The following SHISA9 variants were observed in gnomAD, a reference collection of about 807,000 sequenced individuals.
SHISA9 encodes protein shisa-9.
A neutral mutation model predicts 38.0 loss-of-function variants in SHISA9; 13 were observed. That is an observed-to-expected ratio of 0.34 (90% CI 0.22 to 0.54). The LOEUF is 0.54. Ranked by LOEUF, SHISA9 falls within the 20% of genes least tolerant of loss-of-function variation. The pLI, the probability that SHISA9 is intolerant of heterozygous loss-of-function variation, is 0.91. For synonymous variants in SHISA9, 275 were observed against 242.0 expected (o/e 1.14, Z -1.27); for missense variants, 538 against 575.8 (o/e 0.93, Z 0.67).
chr16:12,902,463 G>A lies in SHISA9; in HGVS notation c.399G>A (p.Lys133=). 6.4e-7 allele frequency: 1 copy of A among 1,551,380 alleles called. No homozygotes were observed. Among genetic ancestry groups the A allele is most frequent in the Non-Finnish European group, 8.7e-7 (1 of 1,146,984 alleles). Residue 133 remains lysine (K), a synonymous_variant, in exon 1 of 5, where the codon AAG becomes AAA. Coordinates refer to ENST00000558583, the MANE Select transcript of SHISA9 (RefSeq NM_001145204.3). ...YDTPLWLNTG[K]PPARKDDPLH... ...CGCCGCTCTGGCTCAACACCGGCAA[G>A]CCCCCCGCCCGCAAGGACGACCCCT...
the SHISA9 span, among the ~76,000 whole-genome samples, chr16:13,409,878 C>G: frequency 6.6e-6 from 1 of 152,136 alleles, no homozygotes; most frequent in Non-Finnish European, 1.5e-5. Context: ...GGTTTGTTTA[C>G]CTGAAGGGGC....
At chr16:13,286,458 A>G in the SHISA9 span, among the ~76,000 whole-genome samples, 1 of 152,328 alleles carries the variant, frequency 6.6e-6, no homozygotes, top group South Asian at 2.1e-4. Context: ...TATTCACACC[A>G]GTGTAAAATT....
the SHISA9 span, among the ~76,000 whole-genome samples, chr16:13,519,271 T>C: frequency 1.1e-4 from 17 of 152,176 alleles, no homozygotes; most frequent in African/African-American, 3.9e-4. Context: ...ATTGAAGGCA[T>C]AGTAAGCCTC....
chr16:13,249,372 C>T, the SHISA9 span, among the ~76,000 whole-genome samples: 2 of 152,184 alleles, frequency 1.3e-5, no homozygotes, highest in African/African-American at 4.8e-5. Flanking sequence ...ATTTAGCCTC[C>T]TTGACCTAGA....
At chr16:12,940,367 A>G (rs190709812) in intron 2 of SHISA9, among the ~76,000 whole-genome samples, 1 of 152,070 alleles carries the variant, frequency 6.6e-6, no homozygotes, top group African/African-American at 2.4e-5. Context: ...AACTTGCTAC[A>G]ACCCCAGTCC....
the SHISA9 span, among the ~76,000 whole-genome samples, chr16:13,457,448 A>G: frequency 1.3e-5 from 2 of 152,022 alleles, no homozygotes; most frequent in Admixed American, 6.5e-5. Context: ...CTCTAACTGT[A>G]CAGTCATCAG....
intron 2 of SHISA9, among the ~76,000 whole-genome samples, chr16:13,150,270 T>C (rs1320867200): frequency 6.6e-6 from 1 of 152,096 alleles, no homozygotes; most frequent in East Asian, 1.9e-4. Flanking sequence ...TCCTCTCCCT[T>C]GTTGGTTTTG....
intron 2 of SHISA9, among the ~76,000 whole-genome samples, chr16:13,122,482 C>T (rs1342132692): frequency 6.6e-6 from 1 of 152,172 alleles, no homozygotes; most frequent in Non-Finnish European, 1.5e-5. Flanking sequence ...GAAAGAGAAG[C>T]TCCTAAGATG....
At chr16:13,278,229 C>T in the SHISA9 span, among the ~76,000 whole-genome samples, 11 of 152,030 alleles carry the variant, frequency 7.2e-5, no homozygotes, top group Admixed American at 3.3e-4. Context: ...TATTGACTTG[C>T]GTATGTTAAA....
chr16:13,234,897 GTC>G, intron 4 of SHISA9, 131 bp from the exon 5 acceptor site: 11 of 1,040,336 alleles, frequency 1.1e-5, no homozygotes, highest in African/African-American at 1.6e-5. Context: ...TTTCTAGTGT[GTC>G]TTGTTTGGAC....
intron 2 of SHISA9, among the ~76,000 whole-genome samples, chr16:13,081,622 C>T (rs1345921585): frequency 6.6e-6 from 1 of 151,912 alleles, no homozygotes; most frequent in Non-Finnish European, 1.5e-5. Context: ...TGTATATCAC[C>T]AGATAATCAG....
intron 2 of SHISA9, among the ~76,000 whole-genome samples, chr16:13,115,596 G>C (rs2074024215): frequency 6.6e-6 from 1 of 152,198 alleles, no homozygotes; most frequent in Admixed American, 6.5e-5. Context: ...GGCAATTATG[G>C]ACATGTTACA....
chr16:13,470,491 A>T, the SHISA9 span, among the ~76,000 whole-genome samples: 1 of 152,302 alleles, frequency 6.6e-6, no homozygotes, highest in Admixed American at 6.5e-5. Context: ...AAGCAAAGGC[A>T]CATCTTACAT....
intron 2 of SHISA9, among the ~76,000 whole-genome samples, chr16:13,131,637 A>C (rs1254948091): frequency 1.3e-5 from 2 of 152,062 alleles, no homozygotes; most frequent in Non-Finnish European, 2.9e-5. Flanking sequence ...GATGGAAAAA[A>C]AAAGGTTTTA....
intron 2 of SHISA9, among the ~76,000 whole-genome samples, chr16:13,155,017 T>A (rs2142007453): frequency 6.6e-6 from 1 of 152,314 alleles, no homozygotes; most frequent in East Asian, 1.9e-4. Flanking sequence ...CCTGTAGGAG[T>A]TATTGGCATA....
At chr16:13,336,044 G>A in the SHISA9 span, among the ~76,000 whole-genome samples, 1 of 152,154 alleles carries the variant, frequency 6.6e-6, no homozygotes, top group Non-Finnish European at 1.5e-5. Flanking sequence ...ACTAATTATA[G>A]TTAAATACTG....
the SHISA9 span, among the ~76,000 whole-genome samples, chr16:13,330,635 A>G: frequency 2.0e-5 from 3 of 152,182 alleles, no homozygotes; most frequent in Non-Finnish European, 2.9e-5. Flanking sequence ...TAGATAGTAC[A>G]GTGTTTAGTA....
At chr16:13,555,520 C>G in the SHISA9 span, among the ~76,000 whole-genome samples, 27 of 152,130 alleles carry the variant, frequency 1.8e-4, no homozygotes, top group Admixed American at 4.6e-4. Flanking sequence ...AATGAACAAG[C>G]AATCGAATTG....
intron 2 of SHISA9, among the ~76,000 whole-genome samples, chr16:12,967,030 C>G (rs957942197): frequency 6.6e-6 from 1 of 152,218 alleles, no homozygotes; most frequent in East Asian, 1.9e-4. Flanking sequence ...ACTAGGAATA[C>G]CATTTGACCC....
Sources: gnomAD v4.1 joint callset for allele counts (sites outside exome capture counted in the v4.1 genomes callset) on GRCh38, gnomAD v4.1.1 for gene constraint, MANE v1.5 for transcripts, NCBI Gene and HGNC (gene_info 2026-07-23, HGNC 2026-07-21) for gene names.